The following ERBB4 variants were observed in gnomAD, a reference collection of about 807,000 sequenced individuals.
ERBB4 encodes the protein receptor tyrosine-protein kinase erbB-4.
In ERBB4, 42 loss-of-function variants were observed where a neutral mutation model predicts 158.0. That is an observed-to-expected ratio of 0.27 (90% CI 0.21 to 0.34). The LOEUF (loss-of-function observed/expected upper bound fraction) is 0.34. Ranked by LOEUF, ERBB4 falls within the 10% of genes least tolerant of loss-of-function variation. The pLI, the probability that ERBB4 is intolerant of heterozygous loss-of-function variation, is 1.00. For missense variants in ERBB4, 1,333 were observed against 1,624.1 expected (o/e 0.82, Z 3.08); for synonymous variants, 583 against 558.7 (o/e 1.04, Z -0.61).
chr2:212,315,553 G>C (rs1016757473), intron 1 of ERBB4, among the ~76,000 whole-genome samples: 1 of 151,396 alleles, frequency 6.6e-6, no homozygotes, highest in East Asian at 2.0e-4. Context: ...TAATAATATT[G>C]TACAAGAACT....
chr2:212,151,282 G>T (rs1389909311), intron 1 of ERBB4, among the ~76,000 whole-genome samples: 1 of 150,306 alleles, frequency 6.7e-6, no homozygotes, highest in Non-Finnish European at 1.5e-5. Flanking sequence ...ATACATTATA[G>T]GGGTTTAATA....
chr2:212,374,771 T>A (rs560113503), intron 1 of ERBB4, among the ~76,000 whole-genome samples: 32 of 151,954 alleles, frequency 2.1e-4, no homozygotes, highest in Middle Eastern at 3.4e-3. Flanking sequence ...ATAAAGAAAA[T>A]TGCATATGAT....
At chr2:212,401,472 A>G (rs73060395) in intron 1 of ERBB4, among the ~76,000 whole-genome samples, 3,773 of 152,246 alleles carry the variant, frequency 0.025, 169 homozygotes, top group African/African-American at 0.085. Context: ...GTGCTTTGAA[A>G]AAGTTTTTAT....
chr2:211,530,143 TCAGTA>T (rs1443661853), intron 20 of ERBB4, among the ~76,000 whole-genome samples: 1 of 152,136 alleles, frequency 6.6e-6, no homozygotes, highest in Non-Finnish European at 1.5e-5. Flanking sequence ...ATAAACACGT[TCAGTA>T]AAGTTGCAGG....
Position 211,383,135 on chromosome 2 carries a change from C to CTT in ERBB4, c.*478_*479dup, listed in dbSNP as rs2062602704. ...ATCATATGTTATAGAAAATGTTATTCTTTTGTTCTAATGGAAACTTTATTA... is the reference window on the plus strand; with the variant it reads ...ATCATATGTTATAGAAAATGTTATTCTTTTTTGTTCTAATGGAAACTTTATTA... On this transcript the variant is annotated 3_prime_UTR_variant, in exon 28 of 28. Coordinates refer to ENST00000342788, the MANE Select transcript of ERBB4 (RefSeq NM_005235.3). The CTT allele has an allele frequency of 4.3e-6, 1 of 233,196 alleles. No individual in the cohort carries two copies. Among genetic ancestry groups the CTT allele is most frequent in the Non-Finnish European group, 8.4e-6 (1 of 119,132 alleles). The allele number at this position is 233,196 out of a possible 1,614,324, so 14.4% of individuals were successfully genotyped here.
intron 1 of ERBB4, among the ~76,000 whole-genome samples, chr2:212,370,484 G>T (rs2090047448): frequency 6.6e-6 from 1 of 152,120 alleles, no homozygotes; most frequent in East Asian, 1.9e-4. Context: ...ATATATAAGG[G>T]AACACACTGC....
chr2:211,418,799 C>T (rs967788148), intron 25 of ERBB4, among the ~76,000 whole-genome samples: 1 of 152,038 alleles, frequency 6.6e-6, no homozygotes. Flanking sequence ...CTCCTTTATA[C>T]ACCTTAACCG....
intron 1 of ERBB4, among the ~76,000 whole-genome samples, chr2:212,141,984 A>G (rs1167023243): frequency 6.6e-6 from 1 of 152,174 alleles, no homozygotes; most frequent in East Asian, 1.9e-4. Flanking sequence ...ACTACAAGGC[A>G]CTTAGACCAT....
At chr2:211,745,383 T>A (rs1230101428) in intron 5 of ERBB4, among the ~76,000 whole-genome samples, 2 of 152,070 alleles carry the variant, frequency 1.3e-5, no homozygotes, top group African/African-American at 4.8e-5. Flanking sequence ...TATGGATAAG[T>A]AATTTCGCTT....
intron 3 of ERBB4, among the ~76,000 whole-genome samples, chr2:211,890,345 A>C (rs964171508): frequency 7.1e-6 from 1 of 140,900 alleles, no homozygotes; most frequent in African/African-American, 2.7e-5. Flanking sequence ...CTTCACAGAC[A>C]AGCAAATGCT....
In ERBB4 at chr2:211,723,005, C is replaced by T. The variant is rs138628257; in HGVS notation, c.742-471G>A. ...AAAACATTGTGATGGTGATTTATAT[C>T]GGACTTAAAGAAAAGGCTCTGGCTG... is the stretch of plus-strand genomic sequence containing the variant. On this transcript the variant is annotated intron_variant, in intron 6 of 27. Coordinates refer to ENST00000342788, the MANE Select transcript of ERBB4 (RefSeq NM_005235.3). Among the ~76,000 whole-genome samples, 599 of 152,282 alleles carry T rather than the reference C, an allele frequency of 3.9e-3. 2 individuals are homozygous for T. Among genetic ancestry groups the T allele is most frequent in the African/African-American group, 0.013 (555 of 41,568 alleles).
intron 5 of ERBB4, among the ~76,000 whole-genome samples, chr2:211,740,457 G>A (rs921693006): frequency 2.6e-5 from 4 of 151,768 alleles, no homozygotes; most frequent in Non-Finnish European, 5.9e-5. Flanking sequence ...CTGATATTTA[G>A]TGAACTCACA....
At chr2:212,366,637 C>T (rs1398496927) in intron 1 of ERBB4, among the ~76,000 whole-genome samples, 3 of 151,816 alleles carry the variant, frequency 2.0e-5, no homozygotes, top group African/African-American at 7.3e-5. Flanking sequence ...TATTTTATCC[C>T]ATAAGACAAT....
chr2:211,928,868 T>C (rs528063505), intron 3 of ERBB4, among the ~76,000 whole-genome samples: 1 of 152,244 alleles, frequency 6.6e-6, no homozygotes, highest in Non-Finnish European at 1.5e-5. Context: ...AATCTAAAGC[T>C]CCAAAAACAA....
intron 21 of ERBB4, 55 bp from the exon 22 acceptor site, chr2:211,428,538 T>C (rs2063683602): frequency 3.1e-6 from 3 of 958,820 alleles, no homozygotes; most frequent in African/African-American, 1.6e-5. Context: ...TTCATTTCTA[T>C]ATGTATTTCC....
At chr2:212,492,155 C>A (rs1194939532) in intron 1 of ERBB4, among the ~76,000 whole-genome samples, 3 of 151,340 alleles carry the variant, frequency 2.0e-5, no homozygotes, top group Non-Finnish European at 4.4e-5. Flanking sequence ...ATGCAATTTA[C>A]TTAGGTAAAA....
At chr2:211,762,103 C>T (rs531686144) in intron 4 of ERBB4, among the ~76,000 whole-genome samples, 44 of 152,210 alleles carry the variant, frequency 2.9e-4, no homozygotes, top group Admixed American at 5.9e-4. Context: ...CCTTTTTCTT[C>T]CATCGCAACA....
At chr2:211,722,280 C>T in intron 7 of ERBB4, 113 bp downstream of exon 7, 1 of 876,540 alleles carries the variant, frequency 1.1e-6, no homozygotes, top group Non-Finnish European at 1.8e-6. Flanking sequence ...GTATCTATAC[C>T]CAAAGTACTT....
intron 1 of ERBB4, among the ~76,000 whole-genome samples, chr2:212,143,705 G>T (rs978073289): frequency 1.3e-5 from 2 of 151,816 alleles, no homozygotes; most frequent in African/African-American, 4.8e-5. Flanking sequence ...CTTCCTTTTC[G>T]CACTTTGTTC....
Sources: allele counts gnomAD v4.1 joint callset (sites outside exome capture counted in the v4.1 genomes callset), GRCh38; gene constraint gnomAD v4.1.1; transcripts MANE v1.5; gene names NCBI Gene and HGNC (gene_info 2026-07-23, HGNC 2026-07-21).